CALM3: variants seen among roughly 807,000 people sequenced by gnomAD.
CALM3 encodes the protein calmodulin-3.
CALM3 carries 5 observed loss-of-function variants against 20.1 expected under a neutral mutation model. That is an observed-to-expected ratio of 0.25 (90% CI 0.13 to 0.52). The LOEUF is 0.52. CALM3 is among the 20% of genes least tolerant of loss of function. The probability of loss-of-function intolerance (pLI) is 0.96; values close to 1 mark genes in which losing one functional copy is unlikely to be tolerated. For synonymous variants in CALM3, 69 were observed against 68.1 expected, an observed-to-expected ratio of 1.01 and a Z score of -0.06; for missense variants, 57 against 192.8, an observed-to-expected ratio of 0.30 and a Z score of 4.17.
intron 1 of CALM3, chr19:46,602,477 GT>G: frequency 8.0e-6 from 2 of 251,234 alleles, no homozygotes; most frequent in Admixed American, 5.0e-5. Context: ...AGGTTTGGGG[GT>G]GGATGTGGGT....
intron 1 of CALM3, among the ~76,000 whole-genome samples, chr19:46,603,424 C>A (rs1971676205): frequency 6.6e-6 from 1 of 152,184 alleles, no homozygotes; most frequent in Admixed American, 6.5e-5. Flanking sequence ...CCTCCTTGGC[C>A]CGGGTGAGGG....
At chr19:46,601,237 T>TGGGGCGGGGCCGAGCGAGGC (rs2122209521), upstream of CALM3, 1 of 261,426 alleles carries the variant, frequency 3.8e-6, no homozygotes. The surrounding 1 kb of genome is among the most constrained non-coding windows in gnomAD (Gnocchi z 4.2). Flanking sequence ...GCGGGCCGGG[T>TGGGGCGGGGCCGAGCGAGGC]GGGGCGGGGC....
upstream of CALM3, chr19:46,601,225 G>A (rs916584719): frequency 2.1e-5 from 6 of 279,714 alleles, no homozygotes; most frequent in African/African-American, 4.6e-5. This position sits in a 1 kb window ranked among gnomAD's most constrained non-coding sequence, Gnocchi z 4.2. Context: ...GTGCGGCGGC[G>A]CGCGGGCCGG....
At chr19:46,601,244 G>A (rs1265051075), upstream of CALM3, 4 of 311,664 alleles carry the variant, frequency 1.3e-5, no homozygotes, top group East Asian at 4.6e-4. This position sits in a 1 kb window ranked among gnomAD's most constrained non-coding sequence, Gnocchi z 4.2. Flanking sequence ...GGGTGGGGCG[G>A]GGCCGAGCGA....
At chr19:46,602,910 AT>A (rs1223382636) in intron 1 of CALM3, among the ~76,000 whole-genome samples, 3 of 152,148 alleles carry the variant, frequency 2.0e-5, no homozygotes, top group Admixed American at 2.0e-4. Context: ...TCAGATGCCT[AT>A]TCCCGTGCCC....
At chr19:46,602,219 G>T (rs1490521048) in intron 1 of CALM3, 1 of 1,353,268 alleles carries the variant, frequency 7.4e-7, no homozygotes, top group South Asian at 1.2e-5. Flanking sequence ...TGGTGAGAGT[G>T]GGGCTCGCCA....
chr19:46,608,983 T>G lies in CALM3; in HGVS notation c.421+2T>G. 1 of 1,601,598 alleles carries G rather than the reference T, an allele frequency of 6.2e-7. No individual in the cohort carries two copies. Among genetic ancestry groups the G allele is most frequent in the Non-Finnish European group, 8.5e-7 (1 of 1,173,272 alleles). On this transcript the variant is annotated splice_donor_variant, in intron 5 of 5. Transcript: ENST00000291295. LOFTEE classifies it high-confidence loss of function. The surrounding 1 kb of genome is among the most constrained non-coding windows in gnomAD (Gnocchi z 5.5). ...GAGATGGCCAGGTCAATTATGAAGG[T>G]GAGTCAAGGCCAGGCTTGATCTCTG...
At chr19:46,602,206 G>A (rs966683770) in intron 1 of CALM3, 1 of 1,355,674 alleles carries the variant, frequency 7.4e-7, no homozygotes, top group African/African-American at 1.5e-5. Flanking sequence ...TGGTGAAAAG[G>A]GATGGTGAGA....
Position 46,601,480 on chromosome 19 carries a change from C to T in CALM3, c.3+43C>T, listed in dbSNP as rs1321099594. 5.5e-6 allele frequency: 8 copies of T among 1,445,834 alleles called. No homozygotes were observed. The highest frequency in any genetic ancestry group is 1.3e-5 in the South Asian group (1 of 74,578). 89.6% of individuals were successfully genotyped at this position (1,445,834 alleles called of 1,614,324 possible). ...GTCGCCGAGGCTGCGGGCTCTGAGG[C>T]GGGCTTAACGGGGCAGGACCCCTGA... On this transcript the variant is annotated intron_variant, in intron 1 of 5. Transcript: ENST00000291295. This position sits in a 1 kb window ranked among gnomAD's most constrained non-coding sequence, Gnocchi z 4.2.
At position 46,601,420 on chromosome 19, in the gene CALM3, A is replaced by T. The variant is rs1971612402; in HGVS notation, c.-15A>T. The T allele has an allele frequency of 6.7e-7, 1 of 1,503,022 alleles. No homozygotes were observed. Among genetic ancestry groups the T allele is most frequent in the Non-Finnish European group, 8.9e-7 (1 of 1,127,948 alleles). The allele number at this position is 1,503,022 out of a possible 1,614,324, so 93.1% of individuals were successfully genotyped here. A position where few individuals can be genotyped will look rare whatever the true frequency, so the allele number is the denominator to read the frequency against. On this transcript the variant is annotated 5_prime_UTR_variant, in exon 1 of 6. Transcript: ENST00000291295. The surrounding 1 kb of genome is among the most constrained non-coding windows in gnomAD (Gnocchi z 4.2). ...GAACCTTGATCCCCGTGCTCCGGAC[A>T]CCCCGGGCCTCGCCATGGTGAGTGA...
chr19:46,604,435 G>A (rs867244620), intron 1 of CALM3, among the ~76,000 whole-genome samples: 32 of 151,768 alleles, frequency 2.1e-4, no homozygotes, highest in African/African-American at 6.0e-4. Context: ...CATGTGTGCC[G>A]TTTTCTCCCT....
At position 46,601,335 on chromosome 19, in the gene CALM3, G is replaced by A. The variant is rs575517661; in HGVS notation, c.-100G>A. The A allele has an allele frequency of 8.4e-5, 109 of 1,293,976 alleles. 1 individual carries two copies. The South Asian group carries it at 1.4e-3, about 17-fold the overall frequency. The allele number at this position is 1,293,976 out of a possible 1,614,324, so 80.2% of individuals were successfully genotyped here. On this transcript the variant is annotated 5_prime_UTR_variant, in exon 1 of 6. The change creates a new upstream start codon in the 5' untranslated region. Coordinates refer to ENST00000291295, the MANE Select transcript of CALM3 (RefSeq NM_005184.4). The surrounding 1 kb of genome is among the most constrained non-coding windows in gnomAD (Gnocchi z 4.2). Reference sequence around the variant, plus strand: ...CGGCGGCGCGCGCTGCGGGCAGTGAGTGTGGAGGCGCGGACGCGCGGCGGA... The same window carrying A: ...CGGCGGCGCGCGCTGCGGGCAGTGAATGTGGAGGCGCGGACGCGCGGCGGA...
At chr19:46,601,094 G>A, upstream of CALM3, 4 of 1,034,924 alleles carry the variant, frequency 3.9e-6, no homozygotes. The surrounding 1 kb of genome is among the most constrained non-coding windows in gnomAD (Gnocchi z 4.2). Context: ...AAAGTAGTCC[G>A]GCGACGGGAG....
At chr19:46,601,296 G>A (rs991824998), upstream of CALM3, 47 of 724,164 alleles carry the variant, frequency 6.5e-5, no homozygotes, top group Non-Finnish European at 8.5e-5. This position sits in a 1 kb window ranked among gnomAD's most constrained non-coding sequence, Gnocchi z 4.2. Context: ...CGTTGGGGCG[G>A]GAGGCGGCGG....
rs758159285 is a variant in CALM3, at chr19:46,609,156, G to GC, written c.*9dup. On this transcript the variant is annotated 3_prime_UTR_variant, in exon 6 of 6. Transcript: ENST00000291295. The stretch of plus-strand genomic sequence containing the variant: ...TACAGATGATGACTGCAAAGTGAAG[G>GC]CCCCCCGGGCAGCTGGCGATGCCCG... 1.2e-6 allele frequency: 2 copies of GC among 1,613,810 alleles called. No homozygotes were observed. The highest frequency in any genetic ancestry group is 1.1e-5 in the South Asian group (1 of 91,002).
chr19:46,608,469 C>T lies in CALM3; in HGVS notation c.179-13C>T, dbSNP rs764890178. 50 of 1,612,100 alleles carry T rather than the reference C, an allele frequency of 3.1e-5. 1 individual carries two copies. In the South Asian group the frequency reaches 5.5e-4, roughly 18 times the overall value. ...AGGCCAAGAGCATTCTCCATCCTTT[C>T]CCCACCTTCCAGGGAACGGGACCAT... On this transcript the variant is annotated splice_polypyrimidine_tract_variant and intron_variant, in intron 3 of 5. Coordinates refer to ENST00000291295, the MANE Select transcript of CALM3 (RefSeq NM_005184.4). The surrounding 1 kb of genome is among the most constrained non-coding windows in gnomAD (Gnocchi z 5.5).
At position 46,605,790 on chromosome 19, in the gene CALM3, G is replaced by T. The variant is rs188865816; in HGVS notation, c.4-37G>T. 6.2e-7 allele frequency: 1 copy of T among 1,612,874 alleles called. No homozygotes were observed. The highest frequency in any genetic ancestry group is 1.1e-5 in the South Asian group (1 of 91,036). ...TGAGGAAGATGCGTCCGTGCTGTCC[G>T]GCCTGGTGACTGACTTTCCCCTTCA... On this transcript the variant is annotated intron_variant, in intron 1 of 5. Transcript: ENST00000291295. The surrounding 1 kb of genome is among the most constrained non-coding windows in gnomAD (Gnocchi z 4.1).
chr19:46,608,409 C>T lies in CALM3; in HGVS notation c.178+69C>T. 1.2e-6 allele frequency: 2 copies of T among 1,609,862 alleles called. No individual in the cohort carries two copies. Among genetic ancestry groups the T allele is most frequent in the Non-Finnish European group, 1.7e-6 (2 of 1,176,344 alleles). ...CCGAGTGACTGCAGGGAGCCTCTCT[C>T]AGGGTGATGGATGAGCCCGTGTCTC... On this transcript the variant is annotated intron_variant, in intron 3 of 5. Coordinates refer to ENST00000291295, the MANE Select transcript of CALM3 (RefSeq NM_005184.4). The surrounding 1 kb of genome is among the most constrained non-coding windows in gnomAD (Gnocchi z 5.5).
Position 46,601,932 on chromosome 19 carries a change from G to C in CALM3, c.3+495G>C. On this transcript the variant is annotated intron_variant, in intron 1 of 5. Transcript: ENST00000291295. The surrounding 1 kb of genome is among the most constrained non-coding windows in gnomAD (Gnocchi z 4.2). Reference sequence around the variant, plus strand: ...GCTGCTCCTGGATGGGGTGGTGGAGGGTAGCTGGGCCCGGGCGGGGAGGGG... The same window carrying C: ...GCTGCTCCTGGATGGGGTGGTGGAGCGTAGCTGGGCCCGGGCGGGGAGGGG... The C allele has an allele frequency of 2.6e-6, 1 of 390,486 alleles. No individual in the cohort carries two copies. Among genetic ancestry groups the C allele is most frequent in the South Asian group, 2.0e-5 (1 of 49,358 alleles). The allele number at this position is 390,486 out of a possible 1,614,324, so 24.2% of individuals were successfully genotyped here.
Sources: allele counts gnomAD v4.1 joint callset (sites outside exome capture counted in the v4.1 genomes callset), GRCh38; gene constraint gnomAD v4.1.1; non-coding constraint Gnocchi (gnomAD v3.1); transcripts MANE v1.5; gene names NCBI Gene and HGNC (gene_info 2026-07-23, HGNC 2026-07-21).